STOX2: variants seen among roughly 807,000 people sequenced by gnomAD.
STOX2 encodes storkhead box 2.
A neutral mutation model predicts 60.9 loss-of-function variants in STOX2; 28 were observed. That is an observed-to-expected ratio of 0.46 (90% CI 0.34 to 0.63). The LOEUF (loss-of-function observed/expected upper bound fraction) is 0.63, where lower values mean the gene tolerates loss of function less well. STOX2 is among the 30% of genes least tolerant of loss of function. The pLI is 0.01. For missense variants in STOX2, 1,024 were observed against 1,187.7 expected, an observed-to-expected ratio of 0.86 and a Z score of 2.03; for synonymous variants, 472 against 463.9, an observed-to-expected ratio of 1.02 and a Z score of -0.22.
chr4:183,941,306 A>G (rs552632880), intron 1 of STOX2, among the ~76,000 whole-genome samples: 26 of 152,240 alleles, frequency 1.7e-4, no homozygotes, highest in Non-Finnish European at 3.5e-4. Flanking sequence ...GGTGGCTCAC[A>G]CCTGTAATCC....
At chr4:183,852,289 G>A (rs373201216) in intron 1 of STOX2, among the ~76,000 whole-genome samples, 2 of 112,716 alleles carry the variant, frequency 1.8e-5, no homozygotes, top group Admixed American at 8.6e-5. Context: ...ATGAGGGAAA[G>A]GATGAGGGAA....
At chr4:183,852,385 G>C (rs35892479) in intron 1 of STOX2, among the ~76,000 whole-genome samples, 21 of 80,258 alleles carry the variant, frequency 2.6e-4, no homozygotes, top group Non-Finnish European at 3.5e-4. Context: ...ATGAGAGAAA[G>C]GATGAGAGAA....
chr4:184,006,782 C>T lies in STOX2; in HGVS notation c.320-2376C>T, dbSNP rs558618110. On this transcript the variant is annotated intron_variant, in intron 2 of 3. Coordinates refer to ENST00000308497, the MANE Select transcript of STOX2 (RefSeq NM_020225.3). ...AAAAAACACCAGCACTTTGGGAGGC[C>T]GAGGCGGGCGGATCACGAGGTCAGC... Among the ~76,000 whole-genome samples the T allele has an allele frequency of 1.6e-4, 24 of 150,674 alleles. No individual in the cohort carries two copies. The East Asian group carries it at 2.1e-3, about 13-fold the overall frequency.
intron 1 of STOX2, among the ~76,000 whole-genome samples, chr4:183,948,877 G>T (rs551424816): frequency 6.6e-6 from 1 of 152,104 alleles, no homozygotes; most frequent in Non-Finnish European, 1.5e-5. Flanking sequence ...TTACCAGGTT[G>T]CTATTATGAT....
At position 183,880,671 on chromosome 4, in the gene STOX2, T is replaced by C. The variant is rs533525935; in HGVS notation, c.364+82616T>C. On this transcript the variant is annotated intron_variant, in intron 1 of 2. Transcript: ENST00000513034. ...GGCCTTCGTCTGATAAAATGAGAGA[T>C]GAAGAGAAAAAGATGGAGCCAGCAA... 2.0e-5 allele frequency among the ~76,000 whole-genome samples: 3 copies of C among 152,266 alleles called. No individual in the cohort carries two copies. The South Asian group carries it at 6.2e-4, about 32-fold the overall frequency.
At chr4:183,842,016 T>C (rs1379390279) in intron 1 of STOX2, among the ~76,000 whole-genome samples, 1 of 152,238 alleles carries the variant, frequency 6.6e-6, no homozygotes, top group Non-Finnish European at 1.5e-5. Flanking sequence ...ATATAATCCC[T>C]GTAAGAAAAG....
chr4:183,799,418 C>A (rs560007218), intron 1 of STOX2, among the ~76,000 whole-genome samples: 1 of 152,294 alleles, frequency 6.6e-6, no homozygotes, highest in Non-Finnish European at 1.5e-5. Flanking sequence ...CACATTAGGA[C>A]GTAAGGATAT....
chr4:183,887,405 G>A (rs533935991), intron 1 of STOX2, among the ~76,000 whole-genome samples: 170 of 152,340 alleles, frequency 1.1e-3, no homozygotes, highest in Middle Eastern at 6.8e-3. Flanking sequence ...AGTATTTGGA[G>A]AGATGGATTA....
chr4:183,975,004 CATA>C (rs1732395859), intron 1 of STOX2, among the ~76,000 whole-genome samples: 11 of 151,942 alleles, frequency 7.2e-5, no homozygotes, highest in Admixed American at 7.2e-4. Flanking sequence ...GTTATCTTAC[CATA>C]ATGAGATTTA....
chr4:183,951,444 C>CTTTTT (rs1163579369), intron 1 of STOX2, among the ~76,000 whole-genome samples: 2 of 66,496 alleles, frequency 3.0e-5, no homozygotes. Flanking sequence ...CTCTCTCTCT[C>CTTTTT]TTTTTTTTTT....
intron 1 of STOX2, among the ~76,000 whole-genome samples, chr4:183,864,508 C>CTCA (rs1740521051): frequency 6.6e-6 from 1 of 152,150 alleles, no homozygotes; most frequent in South Asian, 2.1e-4. Context: ...ATTCTTCTGC[C>CTCA]TCAGCCTCCC....
intron 1 of STOX2, among the ~76,000 whole-genome samples, chr4:183,862,193 T>C (rs570852954): frequency 7.8e-4 from 118 of 152,080 alleles, no homozygotes; most frequent in African/African-American, 2.6e-3. Context: ...GTTTGTTTTT[T>C]GAGACAGAGT....
chr4:183,964,563 A>C (rs1342384809), intron 1 of STOX2, among the ~76,000 whole-genome samples: 1 of 152,204 alleles, frequency 6.6e-6, no homozygotes, highest in African/African-American at 2.4e-5. Context: ...AGTATAAAAC[A>C]GGTGTAAAAA....
rs144315024 is a variant in STOX2 at position 183,891,491 on chromosome 4, G to C, written c.364+93436G>C. Among the ~76,000 whole-genome samples the C allele has an allele frequency of 2.2e-3, 330 of 150,568 alleles. 4 individuals are homozygous for C. The East Asian group carries it at 0.026, about 12-fold the overall frequency. On this transcript the variant is annotated intron_variant, in intron 1 of 2. Transcript: ENST00000513034. ...TTAAGATTGGAGACTATTATTCTAA[G>C]TGAAGTAACTCAGGAATGGAAAACC...
At chr4:183,972,131 G>T (rs771086194) in intron 1 of STOX2, among the ~76,000 whole-genome samples, 2 of 152,334 alleles carry the variant, frequency 1.3e-5, no homozygotes, top group African/African-American at 4.8e-5. Flanking sequence ...GCACAGCGGC[G>T]TAGGGCTGGG....
chr4:183,923,281 A>G (rs73870956), intron 1 of STOX2, among the ~76,000 whole-genome samples: 8,170 of 152,288 alleles, frequency 0.054, 675 homozygotes, highest in African/African-American at 0.18. Flanking sequence ...CATCCCTGAC[A>G]ACACTTGTTA....
intron 1 of STOX2, among the ~76,000 whole-genome samples, chr4:183,798,298 G>A (rs1738677094): frequency 6.6e-6 from 1 of 151,058 alleles, no homozygotes; most frequent in South Asian, 2.1e-4. Context: ...CTGCCCGCGG[G>A]AGCCTCCCCG....
At chr4:183,861,758 G>A (rs1348540373) in intron 1 of STOX2, among the ~76,000 whole-genome samples, 1 of 152,182 alleles carries the variant, frequency 6.6e-6, no homozygotes, top group Non-Finnish European at 1.5e-5. Context: ...CTCAAAAATA[G>A]TAGCAGTTAT....
rs753830194 is a variant in STOX2, at chr4:184,010,119, A to T, written c.1281A>T (p.Thr427=). 1 of 1,584,976 alleles carries T rather than the reference A, an allele frequency of 6.3e-7. No homozygotes were observed. The highest frequency in any genetic ancestry group is 8.6e-7 in the Non-Finnish European group (1 of 1,164,960). The part of the protein sequence containing the change: ...KGDNFIMHSN[T]NVLESHFPMT... ...ATAACTTCATCATGCACAGCAACAC[A>T]AACGTGCTCGAGTCCCACTTCCCCA... Residue 427 remains threonine (T), a synonymous_variant, in exon 3 of 4, where the codon ACA becomes ACT. Coordinates refer to ENST00000308497, the MANE Select transcript of STOX2 (RefSeq NM_020225.3). This position sits in a 1 kb window ranked among gnomAD's most constrained non-coding sequence, Gnocchi z 4.5.
Sources: allele counts gnomAD v4.1 joint callset (sites outside exome capture counted in the v4.1 genomes callset), GRCh38; gene constraint gnomAD v4.1.1; non-coding constraint Gnocchi (gnomAD v3.1); transcripts MANE v1.5; gene names NCBI Gene and HGNC (gene_info 2026-07-23, HGNC 2026-07-21).